The following MCC variants were observed in gnomAD, a reference collection of about 807,000 sequenced individuals.
MCC encodes MCC regulator of Wnt signaling pathway.
A neutral mutation model predicts 116.2 loss-of-function variants in MCC; 90 were observed. That is an observed-to-expected ratio of 0.77 (90% CI 0.65 to 0.92). The LOEUF is 0.92. MCC is among the 40% of genes least tolerant of loss of function. MCC has a pLI of 0.00. For synonymous variants in MCC, 578 were observed against 510.5 expected, an observed-to-expected ratio of 1.13 and a Z score of -1.78; for missense variants, 1,516 against 1,312.2, an observed-to-expected ratio of 1.16 and a Z score of -2.40.
At chr5:113,457,692 G>A (rs1771613204) in intron 1 of MCC, among the ~76,000 whole-genome samples, 1 of 149,162 alleles carries the variant, frequency 6.7e-6, no homozygotes, top group Non-Finnish European at 1.5e-5. Context: ...CTAGCTCAAG[G>A]TTTGTAAACA....
chr5:113,086,425 T>C (rs776562254), intron 8 of MCC, among the ~76,000 whole-genome samples: 5 of 152,154 alleles, frequency 3.3e-5, no homozygotes, highest in African/African-American at 7.2e-5. Context: ...AGAAGAGACA[T>C]TGATGGAGCC....
Position 113,070,779 on chromosome 5 carries a change from C to T in MCC, c.1925+315G>A, listed in dbSNP as rs563064334. Among the ~76,000 whole-genome samples the T allele has an allele frequency of 7.2e-5, 11 of 152,144 alleles. No homozygotes were observed. The East Asian group carries it at 1.7e-3, about 24-fold the overall frequency. On this transcript the variant is annotated intron_variant, in intron 12 of 18. Coordinates refer to ENST00000408903, the MANE Select transcript of MCC (RefSeq NM_001085377.2). The stretch of plus-strand genomic sequence containing the variant: ...GAACTAGAATGCACTAGATTTATAA[C>T]AATGTAAATTACATATGAACATGAA...
chr5:113,401,532 T>C (rs1376873948), intron 1 of MCC, among the ~76,000 whole-genome samples: 3 of 152,174 alleles, frequency 2.0e-5, no homozygotes, highest in Non-Finnish European at 4.4e-5. Flanking sequence ...CCATTGTCTT[T>C]CTCATTTAGC....
At chr5:113,210,141 G>A (rs1026463006) in intron 3 of MCC, among the ~76,000 whole-genome samples, 1 of 152,158 alleles carries the variant, frequency 6.6e-6, no homozygotes, top group African/African-American at 2.4e-5. Flanking sequence ...AGTAGGGCAG[G>A]GAGTGTGGTG....
intron 3 of MCC, among the ~76,000 whole-genome samples, chr5:113,191,838 T>C (rs1446362095): frequency 1.3e-5 from 2 of 152,178 alleles, no homozygotes; most frequent in African/African-American, 2.4e-5. Flanking sequence ...TTAGGTGTAG[T>C]GTCAAGTTGT....
intron 8 of MCC, among the ~76,000 whole-genome samples, chr5:113,100,472 T>TG (rs1232507740): frequency 7.7e-6 from 1 of 129,408 alleles, no homozygotes; most frequent in African/African-American, 3.4e-5. Flanking sequence ...CCCTTTTTTT[T>TG]TTTTTTTTTT....
chr5:113,115,330 C>T (rs1757336878), intron 6 of MCC, among the ~76,000 whole-genome samples: 1 of 152,164 alleles, frequency 6.6e-6, no homozygotes, highest in Non-Finnish European at 1.5e-5. Context: ...AGACGCCACC[C>T]CACCACATTC....
At chr5:113,155,672 G>T (rs898576920) in intron 3 of MCC, among the ~76,000 whole-genome samples, 26 of 152,270 alleles carry the variant, frequency 1.7e-4, no homozygotes, top group African/African-American at 6.3e-4. Flanking sequence ...TTCTGAAATG[G>T]CCTCTAACTT....
chr5:113,267,718 C>T (rs1765472018), intron 3 of MCC, among the ~76,000 whole-genome samples: 2 of 152,078 alleles, frequency 1.3e-5, no homozygotes, highest in African/African-American at 4.8e-5. Flanking sequence ...AGGGAGGCAA[C>T]GGGAGGCAGG....
At chr5:113,430,061 C>T (rs183653593) in intron 1 of MCC, among the ~76,000 whole-genome samples, 1 of 152,302 alleles carries the variant, frequency 6.6e-6, no homozygotes, top group East Asian at 1.9e-4. Flanking sequence ...GATTTCCCTT[C>T]TATGGATCCA....
In MCC at chr5:113,164,297, A is replaced by G. The variant is rs112586458; in HGVS notation, c.628-12875T>C. 5.5e-3 allele frequency among the ~76,000 whole-genome samples: 840 copies of G among 152,346 alleles called. 8 individuals are homozygous for G. The highest frequency in any genetic ancestry group is 0.019 in the African/African-American group (805 of 41,576). On this transcript the variant is annotated intron_variant, in intron 3 of 18. Transcript: ENST00000408903. ...CTGTTGGATAGCTACTGGCATTTGC[A>G]AATTTTACCTTACATAGCAACTCTG... is the stretch of plus-strand genomic sequence containing the variant.
intron 14 of MCC, among the ~76,000 whole-genome samples, chr5:113,060,607 T>C (rs1388880106): frequency 6.6e-6 from 1 of 152,248 alleles, no homozygotes; most frequent in African/African-American, 2.4e-5. Flanking sequence ...TTTGCAATGC[T>C]GGCATTTTAA....
At chr5:113,242,294 CT>C (rs1764399999) in intron 3 of MCC, among the ~76,000 whole-genome samples, 2 of 152,186 alleles carry the variant, frequency 1.3e-5, no homozygotes, top group African/African-American at 4.8e-5. Context: ...GGCATTCATT[CT>C]AGTATATTCA....
chr5:113,293,766 A>G (rs1766600584), intron 3 of MCC, among the ~76,000 whole-genome samples: 1 of 152,138 alleles, frequency 6.6e-6, no homozygotes, highest in African/African-American at 2.4e-5. Flanking sequence ...ATAAAGTTCT[A>G]AAGCGGCTTT....
At chr5:113,411,178 C>T (rs963518109) in intron 1 of MCC, among the ~76,000 whole-genome samples, 7 of 152,104 alleles carry the variant, frequency 4.6e-5, no homozygotes, top group Admixed American at 2.0e-4. Context: ...TGAGGAATTG[C>T]CACACTGTCT....
chr5:113,220,057 C>CTTTTTTTTTTTTTTTT lies in MCC; in HGVS notation c.628-68636_628-68635insAAAAAAAAAAAAAAAA, dbSNP rs1229213218. Reference sequence around the variant, plus strand: ...AACTTTGGAATCTGCATGTCAATTTCTTTTTCTTTTTTTTTTTTGAGACGG... The same window carrying CTTTTTTTTTTTTTTTT: ...AACTTTGGAATCTGCATGTCAATTTCTTTTTTTTTTTTTTTTTTTTTCTTTTTTTTTTTTGAGACGG... On this transcript the variant is annotated intron_variant, in intron 3 of 18. Transcript: ENST00000408903. Among the ~76,000 whole-genome samples the CTTTTTTTTTTTTTTTT allele has an allele frequency of 1.0e-4, 8 of 79,610 alleles. 2 individuals carry two copies. Among genetic ancestry groups the CTTTTTTTTTTTTTTTT allele is most frequent in the Non-Finnish European group, 7.0e-5 (2 of 28,690 alleles). The allele number at this position is 79,610 out of a possible 152,430, so 52.2% of individuals were successfully genotyped here. A position where few individuals can be genotyped will look rare whatever the true frequency, so the allele number is the denominator to read the frequency against.
intron 3 of MCC, among the ~76,000 whole-genome samples, chr5:113,338,991 C>T (rs1196923944): frequency 6.6e-6 from 1 of 151,748 alleles, no homozygotes; most frequent in Non-Finnish European, 1.5e-5. Flanking sequence ...TAGGCTAAGG[C>T]GGGTGGATCA....
At chr5:113,182,296 TAC>T (rs1488663900) in intron 3 of MCC, among the ~76,000 whole-genome samples, 1 of 152,184 alleles carries the variant, frequency 6.6e-6, no homozygotes, top group African/African-American at 2.4e-5. Flanking sequence ...CTTCCATCAC[TAC>T]AGTCAAGCCA....
At chr5:113,363,334 A>G (rs906327629) in intron 2 of MCC, among the ~76,000 whole-genome samples, 23 of 152,216 alleles carry the variant, frequency 1.5e-4, no homozygotes, top group African/African-American at 5.3e-4. Context: ...ATTTATAAAG[A>G]AGAAATTTAA....
Sources: allele counts gnomAD v4.1 joint callset (sites outside exome capture counted in the v4.1 genomes callset), GRCh38; gene constraint gnomAD v4.1.1; transcripts MANE v1.5; gene names NCBI Gene and HGNC (gene_info 2026-07-23, HGNC 2026-07-21).